PTPRT: variants seen among roughly 807,000 people sequenced by gnomAD.
The protein encoded by PTPRT is receptor-type tyrosine-protein phosphatase T.
In PTPRT, 56 loss-of-function variants were observed where a neutral mutation model predicts 176.8. That is an observed-to-expected ratio of 0.32 (90% CI 0.26 to 0.40). The LOEUF (loss-of-function observed/expected upper bound fraction) is 0.40, where lower values mean the gene tolerates loss of function less well. PTPRT is among the 10% of genes least tolerant of loss of function. The pLI is 1.00. For synonymous variants in PTPRT, 783 were observed against 739.0 expected (o/e 1.06, Z -0.96); for missense variants, 1,540 against 1,908.2 (o/e 0.81, Z 3.60).
intron 2 of PTPRT, among the ~76,000 whole-genome samples, chr20:42,832,483 C>T (rs2078105940): frequency 2.0e-5 from 3 of 151,766 alleles, no homozygotes; most frequent in Non-Finnish European, 1.5e-5. Flanking sequence ...CAAACCTGCA[C>T]ACATACTCCT....
chr20:42,929,722 C>T (rs542044999), intron 1 of PTPRT, among the ~76,000 whole-genome samples: 1 of 152,312 alleles, frequency 6.6e-6, no homozygotes, highest in East Asian at 1.9e-4. Flanking sequence ...AGAACATTTT[C>T]CCCTTAAATC....
chr20:42,248,493 C>T (rs887400446), intron 14 of PTPRT, among the ~76,000 whole-genome samples, 194 bp downstream of exon 14: 1 of 152,162 alleles, frequency 6.6e-6, no homozygotes, highest in African/African-American at 2.4e-5. Context: ...TCAGGACCAC[C>T]TGCCAAACAG....
At chr20:42,254,400 G>A (rs553430588) in intron 13 of PTPRT, among the ~76,000 whole-genome samples, 2 of 152,316 alleles carry the variant, frequency 1.3e-5, no homozygotes, top group South Asian at 2.1e-4. Flanking sequence ...TTGTAACAAG[G>A]TCTCTACATG....
At chr20:43,179,859 G>A (rs1460795229) in intron 1 of PTPRT, among the ~76,000 whole-genome samples, 1 of 152,252 alleles carries the variant, frequency 6.6e-6, no homozygotes, top group Non-Finnish European at 1.5e-5. Context: ...GGCAGCTCCT[G>A]AAATGGTTCC....
At chr20:43,062,826 A>C (rs1987528144) in intron 1 of PTPRT, among the ~76,000 whole-genome samples, 1 of 152,182 alleles carries the variant, frequency 6.6e-6, no homozygotes, top group Non-Finnish European at 1.5e-5. Flanking sequence ...TTTCTCTAAT[A>C]AGGTCATTGA....
At chr20:43,133,069 G>A (rs1230111445) in intron 1 of PTPRT, among the ~76,000 whole-genome samples, 1 of 152,062 alleles carries the variant, frequency 6.6e-6, no homozygotes, top group Admixed American at 6.5e-5. Context: ...ACAGGTGCTT[G>A]CCTGGGGAAG....
At chr20:42,229,941 A>T (rs1021464054) in intron 15 of PTPRT, among the ~76,000 whole-genome samples, 1 of 151,860 alleles carries the variant, frequency 6.6e-6, no homozygotes, top group South Asian at 2.1e-4. Flanking sequence ...TTGTTCCTTC[A>T]CTCATTACAC....
chr20:43,102,033 G>C (rs904932494), intron 1 of PTPRT, among the ~76,000 whole-genome samples: 1 of 152,162 alleles, frequency 6.6e-6, no homozygotes, highest in African/African-American at 2.4e-5. Flanking sequence ...TTACATGGCA[G>C]AAGGGACAGA....
intron 1 of PTPRT, among the ~76,000 whole-genome samples, chr20:43,174,134 A>G (rs945515034): frequency 1.3e-5 from 2 of 152,214 alleles, no homozygotes. Context: ...CTCCATAAGT[A>G]TGAATTTTGC....
chr20:42,942,931 A>G lies in PTPRT; in HGVS notation c.89-56999T>C, dbSNP rs145409068. On this transcript the variant is annotated intron_variant, in intron 1 of 30. Coordinates refer to ENST00000373187, the MANE Select transcript of PTPRT (RefSeq NM_007050.6). ...AATACTCATTGAATTAATAAAGAAA[A>G]GCTTACACTAATTGCATATTAAACT... Among the ~76,000 whole-genome samples, 443 of 152,340 alleles carry G rather than the reference A, an allele frequency of 2.9e-3. 2 individuals are homozygous for G. Among genetic ancestry groups the G allele is most frequent in the African/African-American group, 9.0e-3 (374 of 41,572 alleles).
chr20:42,617,548 A>G (rs370640901), intron 7 of PTPRT, among the ~76,000 whole-genome samples: 3 of 135,780 alleles, frequency 2.2e-5, no homozygotes, highest in Non-Finnish European at 4.6e-5. Context: ...GGTAGAATTC[A>G]GCTGTGAATC....
chr20:42,772,255 A>G (rs2077073681), intron 4 of PTPRT, among the ~76,000 whole-genome samples: 1 of 152,096 alleles, frequency 6.6e-6, no homozygotes, highest in Non-Finnish European at 1.5e-5. Context: ...GCAGTAACTC[A>G]CTTAACCCAA....
At chr20:42,304,794 C>T (rs1303508246) in intron 12 of PTPRT, among the ~76,000 whole-genome samples, 1 of 152,158 alleles carries the variant, frequency 6.6e-6, no homozygotes, top group Non-Finnish European at 1.5e-5. Flanking sequence ...CAAAAATGTT[C>T]TGATGACATT....
At position 42,431,160 on chromosome 20, in the gene PTPRT, G is replaced by C. The variant is rs545544773; in HGVS notation, c.1560+17060C>G. On this transcript the variant is annotated intron_variant, in intron 9 of 30. Coordinates refer to ENST00000373187, the MANE Select transcript of PTPRT (RefSeq NM_007050.6). Reference sequence around the variant, plus strand: ...ATTCTTATAATATTCCTGAATTGTAGGCTTAATATTGCTTCTCCTACACAC... The same window carrying C: ...ATTCTTATAATATTCCTGAATTGTACGCTTAATATTGCTTCTCCTACACAC... Among the ~76,000 whole-genome samples, 5 of 152,232 alleles carry C rather than the reference G, an allele frequency of 3.3e-5. No homozygotes were observed. In the East Asian group the frequency reaches 9.6e-4, roughly 29 times the overall value.
intron 1 of PTPRT, among the ~76,000 whole-genome samples, chr20:43,162,393 G>A (rs1413596574): frequency 6.6e-6 from 1 of 152,132 alleles, no homozygotes; most frequent in African/African-American, 2.4e-5. Context: ...CTGAGGCAGA[G>A]GTGGCCAAGC....
chr20:42,715,168 G>A (rs1196720176), intron 6 of PTPRT, among the ~76,000 whole-genome samples: 3 of 152,244 alleles, frequency 2.0e-5, no homozygotes, highest in African/African-American at 2.4e-5. Context: ...AGAAGGACAC[G>A]CCGGTAATTT....
intron 9 of PTPRT, among the ~76,000 whole-genome samples, chr20:42,445,237 A>G (rs1289041421): frequency 2.0e-5 from 3 of 152,094 alleles, no homozygotes; most frequent in Non-Finnish European, 4.4e-5. Flanking sequence ...TCTGCACTCA[A>G]TTTCCTCATT....
At chr20:42,444,434 G>T (rs1335997242) in intron 9 of PTPRT, among the ~76,000 whole-genome samples, 1 of 152,190 alleles carries the variant, frequency 6.6e-6, no homozygotes, top group Non-Finnish European at 1.5e-5. Context: ...GAAGACTGGA[G>T]ACAGAATGGG....
intron 1 of PTPRT, among the ~76,000 whole-genome samples, chr20:43,042,496 C>T (rs182227106): frequency 1.6e-3 from 247 of 151,988 alleles, no homozygotes; most frequent in Middle Eastern, 6.8e-3. Context: ...GAGAAAGGGG[C>T]AAAACGGCAA....
Sources: gnomAD v4.1 joint callset for allele counts (sites outside exome capture counted in the v4.1 genomes callset) on GRCh38, gnomAD v4.1.1 for gene constraint, MANE v1.5 for transcripts, NCBI Gene and HGNC (gene_info 2026-07-23, HGNC 2026-07-21) for gene names.